The following PTPRD variants were observed in gnomAD, a reference collection of about 807,000 sequenced individuals.
PTPRD encodes the protein protein tyrosine phosphatase receptor type D.
A neutral mutation model predicts 214.5 loss-of-function variants in PTPRD; 34 were observed. The ratio of observed to expected loss-of-function variants is 0.16; its 90% CI spans 0.12 to 0.21. The LOEUF (loss-of-function observed/expected upper bound fraction) is 0.21, where lower values mean the gene tolerates loss of function less well. PTPRD is among the 10% of genes least tolerant of loss of function. The pLI is 1.00. For missense variants in PTPRD, 2,545 were observed against 2,398.7 expected, an observed-to-expected ratio of 1.06 and a Z score of -1.27; for synonymous variants, 1,128 against 845.7, an observed-to-expected ratio of 1.33 and a Z score of -5.79.
intron 11 of PTPRD, among the ~76,000 whole-genome samples, chr9:8,790,944 C>T (rs2096205587): frequency 6.6e-6 from 1 of 152,082 alleles, no homozygotes; most frequent in Admixed American, 6.5e-5. Context: ...CTATACTGGA[C>T]AAAACAGAAG....
At chr9:9,577,093 G>A (rs528508531) in intron 7 of PTPRD, among the ~76,000 whole-genome samples, 1 of 152,122 alleles carries the variant, frequency 6.6e-6, no homozygotes, top group African/African-American at 2.4e-5. Context: ...TTAAGTTCAG[G>A]GATTCCAGAA....
At chr9:9,554,401 G>C (rs2081025887) in intron 8 of PTPRD, among the ~76,000 whole-genome samples, 2 of 131,522 alleles carry the variant, frequency 1.5e-5, no homozygotes, top group African/African-American at 6.0e-5. Context: ...AAATGGTCCT[G>C]TTTTATTTTT....
chr9:8,670,602 T>G (rs1309801997), intron 12 of PTPRD, among the ~76,000 whole-genome samples: 1 of 152,230 alleles, frequency 6.6e-6, no homozygotes, highest in African/African-American at 2.4e-5. Flanking sequence ...TCCCATACTT[T>G]CGCGTTCTAA....
At chr9:8,557,756 A>C (rs1051081871) in intron 14 of PTPRD, among the ~76,000 whole-genome samples, 1 of 133,906 alleles carries the variant, frequency 7.5e-6, no homozygotes, top group African/African-American at 3.5e-5. Context: ...AAAAAAAAAA[A>C]AAAAAAAAAA....
intron 11 of PTPRD, among the ~76,000 whole-genome samples, chr9:8,865,630 G>C (rs80038065): frequency 9.9e-5 from 15 of 151,846 alleles, no homozygotes; most frequent in African/African-American, 3.6e-4. Context: ...AATTGTGAGC[G>C]TCTTCACACT....
chr9:8,373,838 A>G (rs199709545), intron 39 of PTPRD, among the ~76,000 whole-genome samples: 17,518 of 101,100 alleles, frequency 0.17, 3,389 homozygotes, highest in African/African-American at 0.48. Flanking sequence ...GTATGTATGT[A>G]TGTATGTATG....
At chr9:10,482,011 G>A (rs1055515613) in intron 2 of PTPRD, among the ~76,000 whole-genome samples, 1 of 151,838 alleles carries the variant, frequency 6.6e-6, no homozygotes, top group Non-Finnish European at 1.5e-5. Context: ...AGAAGGCATG[G>A]AGTGAAAAAA....
chr9:9,410,532 A>T (rs948487099), intron 8 of PTPRD, among the ~76,000 whole-genome samples: 1 of 152,186 alleles, frequency 6.6e-6, no homozygotes, highest in Non-Finnish European at 1.5e-5. Flanking sequence ...CTTATTAAAA[A>T]TATAAGAAAA....
intron 7 of PTPRD, among the ~76,000 whole-genome samples, chr9:9,693,086 C>T (rs1167779984): frequency 6.6e-6 from 1 of 151,922 alleles, no homozygotes; most frequent in East Asian, 1.9e-4. Context: ...ATGACTTCTT[C>T]CTTTCCAATT....
chr9:8,670,450 T>C (rs1424000522), intron 12 of PTPRD, among the ~76,000 whole-genome samples: 2 of 152,192 alleles, frequency 1.3e-5, no homozygotes, highest in African/African-American at 4.8e-5. Context: ...AGTGAGATCA[T>C]GCAATATTTT....
chr9:9,073,425 T>A (rs1006855220), intron 10 of PTPRD, among the ~76,000 whole-genome samples: 1 of 152,206 alleles, frequency 6.6e-6, no homozygotes, highest in African/African-American at 2.4e-5. Context: ...ATCATGGTAC[T>A]CAGTTGTTTG....
chr9:9,646,796 T>C (rs1285977819), intron 7 of PTPRD, among the ~76,000 whole-genome samples: 3 of 152,158 alleles, frequency 2.0e-5, no homozygotes, highest in Admixed American at 2.0e-4. Flanking sequence ...AGTTTATAAA[T>C]TAGGCACAGG....
At position 8,496,215 on chromosome 9, in the gene PTPRD, C is replaced by A. The variant is rs920003667; in HGVS notation, c.2349+1027G>T. ...ACACACACACACACACACACAAACA[C>A]ACACACACACACACACTTTTTCACT... On this transcript the variant is annotated intron_variant, in intron 26 of 45. Transcript: ENST00000381196. Among the ~76,000 whole-genome samples the A allele has an allele frequency of 4.7e-5, 7 of 147,658 alleles. No homozygotes were observed. The East Asian group carries it at 1.3e-3, about 27-fold the overall frequency.
rs181819545 is a variant in PTPRD, at chr9:10,566,205, T to A, written c.-600+46193A>T. ...GAGCACTTGTGCCTTTCCAGGTTTTTAAGATGATGAACAATGCTTCTGTAT... is the reference window on the plus strand; with the variant it reads ...GAGCACTTGTGCCTTTCCAGGTTTTAAAGATGATGAACAATGCTTCTGTAT... On this transcript the variant is annotated intron_variant, in intron 2 of 45. Transcript: ENST00000381196. Among the ~76,000 whole-genome samples, 54 of 152,160 alleles carry A rather than the reference T, an allele frequency of 3.5e-4. No homozygotes were observed. The East Asian group carries it at 8.1e-3, about 23-fold the overall frequency.
chr9:9,222,092 G>A (rs1440517640), intron 9 of PTPRD, among the ~76,000 whole-genome samples: 1 of 152,066 alleles, frequency 6.6e-6, no homozygotes, highest in Non-Finnish European at 1.5e-5. Context: ...TGTATCCACT[G>A]TAACAATATT....
Position 10,243,812 on chromosome 9 carries a change from C to A in PTPRD, c.-545+97151G>T, listed in dbSNP as rs186363300. Among the ~76,000 whole-genome samples the A allele has an allele frequency of 1.7e-3, 254 of 152,082 alleles. 1 individual carries two copies. Among genetic ancestry groups the A allele is most frequent in the African/African-American group, 5.8e-3 (240 of 41,518 alleles). On this transcript the variant is annotated intron_variant, in intron 3 of 45. Transcript: ENST00000381196. Reference sequence around the variant, plus strand: ...ATTTACAAGTCATCCAACCTTTGAACCTTTATCCTCCCAAACCTAAAGACA... The same window carrying A: ...ATTTACAAGTCATCCAACCTTTGAAACTTTATCCTCCCAAACCTAAAGACA...
intron 3 of PTPRD, among the ~76,000 whole-genome samples, chr9:10,214,662 C>G (rs1476063627): frequency 6.6e-6 from 1 of 152,066 alleles, no homozygotes; most frequent in Admixed American, 6.6e-5. Context: ...TATCACCTAA[C>G]ACAAGGCCTG....
At chr9:9,358,299 T>C (rs2054642391) in intron 9 of PTPRD, among the ~76,000 whole-genome samples, 1 of 151,366 alleles carries the variant, frequency 6.6e-6, no homozygotes, top group African/African-American at 2.4e-5. Flanking sequence ...TGCTTATTAC[T>C]TTTCCAGGTA....
chr9:9,340,878 C>T (rs2046522672), intron 9 of PTPRD, among the ~76,000 whole-genome samples: 1 of 152,056 alleles, frequency 6.6e-6, no homozygotes, highest in Non-Finnish European at 1.5e-5. Context: ...TTTTACCCAG[C>T]TAATCATTAG....
Sources: allele counts gnomAD v4.1 joint callset (sites outside exome capture counted in the v4.1 genomes callset), GRCh38; gene constraint gnomAD v4.1.1; transcripts MANE v1.5; gene names NCBI Gene and HGNC (gene_info 2026-07-23, HGNC 2026-07-21).